The following DNAH10 variants were observed in gnomAD, a reference collection of about 807,000 sequenced individuals.
DNAH10 encodes the protein axonemal beta dynein heavy chain 10.
In DNAH10, 348 loss-of-function variants were observed where a neutral mutation model predicts 506.6. The ratio of observed to expected loss-of-function variants is 0.69; its 90% CI spans 0.63 to 0.75. The LOEUF (loss-of-function observed/expected upper bound fraction) is 0.75. DNAH10 is among the 30% of genes least tolerant of loss of function. The probability of loss-of-function intolerance (pLI) is 0.00; values close to 1 mark genes in which losing one functional copy is unlikely to be tolerated. For missense variants in DNAH10, 5,179 were observed against 5,787.1 expected (o/e 0.89, Z 3.41); for synonymous variants, 2,059 against 2,198.6 (o/e 0.94, Z 1.78).
intron 39 of DNAH10, among the ~76,000 whole-genome samples, chr12:123,863,380 G>A (rs185016046): frequency 6.1e-4 from 93 of 152,314 alleles, no homozygotes; most frequent in Middle Eastern, 3.4e-3. Context: ...GTGAAGTGGA[G>A]CAAATTACAT....
At chr12:123,767,804 C>A in intron 2 of DNAH10, 115 bp downstream of exon 2, 1 of 870,906 alleles carries the variant, frequency 1.1e-6, no homozygotes, top group Non-Finnish European at 1.8e-6. Flanking sequence ...GTATGAACCA[C>A]AAAGAGAAAG....
At position 123,848,009 on chromosome 12, in the gene DNAH10, G is replaced by A. The variant is rs377526922; in HGVS notation, c.5863G>A (p.Gly1955Ser). The part of the protein sequence containing the change: ...GGAPAGPAGT[G>S]KTETTKDLAK... ...GGCCCCCGCCGGCCCAGCAGGAACC[G>A]GCAAAACCGAGACCACCAAGGACCT... The change falls in exon 33 of 79, where the codon GGC becomes AGC. Residue 1955 changes from glycine (G) to serine (S), a missense_variant. Transcript: ENST00000673944. 11 of 1,613,808 alleles carry A rather than the reference G, an allele frequency of 6.8e-6. No homozygotes were observed. The highest frequency in any genetic ancestry group is 5.3e-5 in the African/African-American group (4 of 74,912).
intron 54 of DNAH10, among the ~76,000 whole-genome samples, chr12:123,897,525 C>G (rs531837606): frequency 3.9e-5 from 6 of 152,250 alleles, no homozygotes; most frequent in African/African-American, 1.4e-4. Flanking sequence ...GGAGTTAAGA[C>G]CAGCCTGGGC....
intron 5 of DNAH10, among the ~76,000 whole-genome samples, chr12:123,779,057 C>G (rs765276192): frequency 3.2e-4 from 48 of 152,078 alleles, no homozygotes; most frequent in Non-Finnish European, 5.9e-5. Context: ...GCACCCGCCA[C>G]CACACCTGGC....
Position 123,917,481 on chromosome 12 carries a change from G to T in DNAH10, c.11003-103G>T, listed in dbSNP as rs1057226120. On this transcript the variant is annotated intron_variant, in intron 63 of 78. Transcript: ENST00000673944. The surrounding 1 kb of genome is among the most constrained non-coding windows in gnomAD (Gnocchi z 5.6). ...CAGTGAATCCTCGTGCCTCTGGCCTGCTGGCTGAGACCCGCGCTAAGCTTG... is the reference window on the plus strand; with the variant it reads ...CAGTGAATCCTCGTGCCTCTGGCCTTCTGGCTGAGACCCGCGCTAAGCTTG... 1 of 1,223,086 alleles carries T rather than the reference G, an allele frequency of 8.2e-7. No individual in the cohort carries two copies. Among genetic ancestry groups the T allele is most frequent in the Non-Finnish European group, 1.1e-6 (1 of 878,884 alleles). The allele number at this position is 1,223,086 out of a possible 1,614,324, so 75.8% of individuals were successfully genotyped here.
intron 30 of DNAH10, among the ~76,000 whole-genome samples, chr12:123,841,992 T>C (rs1467847018): frequency 1.3e-5 from 2 of 152,216 alleles, no homozygotes; most frequent in East Asian, 3.8e-4. Context: ...GGGCAGTCTT[T>C]AGCATATGTG....
intron 19 of DNAH10, among the ~76,000 whole-genome samples, chr12:123,811,221 G>C (rs190975881): frequency 1.8e-3 from 276 of 152,302 alleles, no homozygotes; most frequent in African/African-American, 6.2e-3. Flanking sequence ...ACCTTCTAGT[G>C]CGTGCTGTTG....
At chr12:123,802,059 G>C (rs2136281822) in intron 16 of DNAH10, among the ~76,000 whole-genome samples, 1 of 152,306 alleles carries the variant, frequency 6.6e-6, no homozygotes, top group African/African-American at 2.4e-5. Context: ...ATCTGCCCTT[G>C]TTGGATGTGT....
chr12:123,934,982 G>A, intron 78 of DNAH10: 1 of 653,286 alleles, frequency 1.5e-6, no homozygotes, highest in Non-Finnish European at 2.6e-6. Context: ...CCTTCCAGAG[G>A]TGTCAGGCTC....
chr12:123,866,224 A>G (rs1471926593), intron 41 of DNAH10, among the ~76,000 whole-genome samples, 151 bp downstream of exon 41: 1 of 118,754 alleles, frequency 8.4e-6, no homozygotes, highest in East Asian at 2.1e-4. Flanking sequence ...AACATGGCAG[A>G]CACACTTTTT....
At chr12:123,857,333 A>G in intron 37 of DNAH10, 86 bp downstream of exon 37, 2 of 1,195,756 alleles carry the variant, frequency 1.7e-6, no homozygotes, top group Non-Finnish European at 1.1e-6. Context: ...ATATATGTAC[A>G]GTAAAATACG....
At chr12:123,922,745 T>A (rs12322694) in intron 65 of DNAH10, among the ~76,000 whole-genome samples, 21,586 of 152,128 alleles carry the variant, frequency 0.14, 1,558 homozygotes, top group African/African-American at 0.14. Flanking sequence ...AGGTCTTTCT[T>A]CTCTGCGTGT....
intron 19 of DNAH10, among the ~76,000 whole-genome samples, chr12:123,811,223 G>A (rs1018369573): frequency 5.3e-5 from 8 of 152,082 alleles, no homozygotes; most frequent in African/African-American, 1.2e-4. Context: ...CTTCTAGTGC[G>A]TGCTGTTGGG....
rs756098229 is a variant in DNAH10 at position 123,785,812 on chromosome 12, C to A, written c.1297C>A (p.Arg433=). The change falls in exon 9 of 79, where the codon CGG becomes AGG. Residue 433 remains arginine (R), a synonymous_variant. Coordinates refer to ENST00000673944, the MANE Select transcript of DNAH10 (RefSeq NM_001372106.1). This position sits in a 1 kb window ranked among gnomAD's most constrained non-coding sequence, Gnocchi z 4.1. ...DTIPAMMSAL[R]MVWIISRHYN... is the part of the protein sequence containing the mutation. ...CATCCCCGCCATGATGAGTGCCCTG[C>A]GGATGGTGTGGATCATCTCCCGACA... 8.7e-6 allele frequency: 14 copies of A among 1,613,970 alleles called. No homozygotes were observed. The highest frequency in any genetic ancestry group is 1.1e-5 in the South Asian group (1 of 91,086).
At chr12:123,793,403 A>T (rs1188929173) in intron 11 of DNAH10, among the ~76,000 whole-genome samples, 2 of 143,232 alleles carry the variant, frequency 1.4e-5, no homozygotes, top group African/African-American at 2.6e-5. Context: ...CAGTGGCGCC[A>T]TCTCGGCTCA....
chr12:123,781,025 C>T (rs1957627168), intron 5 of DNAH10, 55 bp from the exon 6 acceptor site: 3 of 1,319,546 alleles, frequency 2.3e-6, no homozygotes, highest in Non-Finnish European at 3.1e-6. Flanking sequence ...AATTTGAATA[C>T]ATGAATTATT....
intron 65 of DNAH10, among the ~76,000 whole-genome samples, chr12:123,920,130 TA>T (rs1242709395): frequency 1.3e-5 from 2 of 152,228 alleles, no homozygotes; most frequent in Admixed American, 1.3e-4. Context: ...CAAAAGAGAA[TA>T]GTGTCGTGAT....
Position 123,931,751 on chromosome 12 carries a change from A to G in DNAH10, c.13032A>G (p.Thr4344=). The change falls in exon 75 of 79, where the codon ACA becomes ACG. Residue 4344 remains threonine, a synonymous_variant. Transcript: ENST00000673944. The part of the protein sequence containing the change: ...DLDQVRKRLG[T]GLSPTSVVLL... ...ACCAGGTGAGGAAGCGCCTCGGAACAGGACTCTCCCCCACTTCGGTGGTGC... is the reference window on the plus strand; with the variant it reads ...ACCAGGTGAGGAAGCGCCTCGGAACGGGACTCTCCCCCACTTCGGTGGTGC... 1 of 1,614,074 alleles carries G rather than the reference A, an allele frequency of 6.2e-7. No individual in the cohort carries two copies.
intron 8 of DNAH10, 38 bp downstream of exon 8, chr12:123,784,215 CA>C (rs1957769136): frequency 1.3e-6 from 2 of 1,571,178 alleles, no homozygotes; most frequent in African/African-American, 2.7e-5. Flanking sequence ...TCAGCTCTGT[CA>C]AAGAGATTTC....
Sources: allele counts gnomAD v4.1 joint callset (sites outside exome capture counted in the v4.1 genomes callset), GRCh38; gene constraint gnomAD v4.1.1; non-coding constraint Gnocchi (gnomAD v3.1); transcripts MANE v1.5; gene names NCBI Gene and HGNC (gene_info 2026-07-23, HGNC 2026-07-21).